The following IGF1R variants were observed in gnomAD, a reference collection of about 807,000 sequenced individuals.
IGF1R encodes the protein insulin-like growth factor 1 receptor.
IGF1R carries 44 observed loss-of-function variants against 144.6 expected under a neutral mutation model. The ratio of observed to expected loss-of-function variants is 0.30; its 90% confidence interval spans 0.24 to 0.39. The LOEUF (loss-of-function observed/expected upper bound fraction) is 0.39. Ranked by LOEUF, IGF1R falls within the 10% of genes least tolerant of loss-of-function variation. The pLI is 1.00. For synonymous variants in IGF1R, 795 were observed against 722.8 expected (o/e 1.10, Z -1.60); for missense variants, 1,355 against 1,833.7 (o/e 0.74, Z 4.77).
intron 2 of IGF1R, among the ~76,000 whole-genome samples, chr15:98,757,230 C>T (rs2055177702): frequency 6.6e-6 from 1 of 152,000 alleles, no homozygotes; most frequent in Non-Finnish European, 1.5e-5. Flanking sequence ...GTGGCGTGAT[C>T]TTGGCTCACT....
Position 98,929,652 on chromosome 15 carries a change from T to G in IGF1R, c.2877T>G (p.His959Gln). The part of the protein sequence containing the change: ...GGLVIMLYVF[H>Q]RKRNNSRLGN... ...TGGTGATTATGCTGTACGTCTTCCATAGAAAGAGGTCAGTGATGTGCAAAG... is the reference window on the plus strand; with the variant it reads ...TGGTGATTATGCTGTACGTCTTCCAGAGAAAGAGGTCAGTGATGTGCAAAG... Residue 959 changes from histidine to glutamine, a missense_variant, in exon 14 of 21, where the codon CAT (histidine) becomes CAG (glutamine). His to Gln is a conservative substitution (Grantham distance 24). Coordinates refer to ENST00000650285, the MANE Select transcript of IGF1R (RefSeq NM_000875.5). 6.2e-7 allele frequency: 1 copy of G among 1,609,376 alleles called. No homozygotes were observed. Among genetic ancestry groups the G allele is most frequent in the Middle Eastern group, 1.7e-4 (1 of 6,056 alleles).
At chr15:98,735,599 G>A (rs1041281885) in intron 2 of IGF1R, among the ~76,000 whole-genome samples, 5 of 152,244 alleles carry the variant, frequency 3.3e-5, no homozygotes, top group African/African-American at 1.2e-4. Flanking sequence ...CCTCAGTAAG[G>A]AAGAAGGAGG....
In IGF1R at chr15:98,963,172, CTTT is replaced by C. The variant is rs112539877; in HGVS notation, c.*5737_*5739del. ...AATTGCCGAAAATAATTTAAAGACA[CTTT>C]TTTTTTCTCTGTGTGTGCAAATGTG... On this transcript the variant is annotated 3_prime_UTR_variant, in exon 21 of 21. Coordinates refer to ENST00000650285, the MANE Select transcript of IGF1R (RefSeq NM_000875.5). 28 of 222,566 alleles carry C rather than the reference CTTT, an allele frequency of 1.3e-4. No individual in the cohort carries two copies. The highest frequency in any genetic ancestry group is 3.0e-4 in the African/African-American group (13 of 43,204). 13.8% of individuals were successfully genotyped at this position (222,566 alleles called of 1,614,324 possible).
Position 98,962,904 on chromosome 15 carries a change from CTT to C in IGF1R, c.*5464_*5465del, listed in dbSNP as rs1035531781. 4.3e-6 allele frequency: 1 copy of C among 233,582 alleles called. No homozygotes were observed. The highest frequency in any genetic ancestry group is 2.2e-5 in the African/African-American group (1 of 45,326). 14.5% of individuals were successfully genotyped at this position (233,582 alleles called of 1,614,324 possible). A position where few individuals can be genotyped will look rare whatever the true frequency, so the allele number is the denominator to read the frequency against. On this transcript the variant is annotated 3_prime_UTR_variant, in exon 21 of 21. Transcript: ENST00000650285. ...GTCAGTTGTCAGTTCTGGGGCATGA[CTT>C]TAGCGTTTTGTTTCTGCGAGAACAT...
intron 2 of IGF1R, among the ~76,000 whole-genome samples, chr15:98,883,925 A>C (rs1035083055): frequency 1.3e-5 from 2 of 152,156 alleles, no homozygotes; most frequent in African/African-American, 4.8e-5. Flanking sequence ...CCCTTTGTTG[A>C]AAACTCTTTG....
rs369946595 is a variant in IGF1R at position 98,935,443 on chromosome 15, A to T, written c.3297+17A>T. 5 of 1,384,404 alleles carry T rather than the reference A, an allele frequency of 3.6e-6. No homozygotes were observed. The highest frequency in any genetic ancestry group is 5.0e-6 in the Non-Finnish European group (5 of 994,144). 85.8% of individuals were successfully genotyped at this position (1,384,404 alleles called of 1,614,324 possible). On this transcript the variant is annotated intron_variant, in intron 17 of 20. Coordinates refer to ENST00000650285, the MANE Select transcript of IGF1R (RefSeq NM_000875.5). This position sits in a 1 kb window ranked among gnomAD's most constrained non-coding sequence, Gnocchi z 4.2. ...GAAATGGAGGTCAGTTTTCATTTCC[A>T]CCGGTATTGCATGTTGCCTGGCCTG...
Position 98,836,010 on chromosome 15 carries a change from T to G in IGF1R, c.641-55315T>G, listed in dbSNP as rs1358988468. On this transcript the variant is annotated intron_variant, in intron 2 of 20. Transcript: ENST00000650285. ...TTTCCCCAATGTCAGCATGACTTCT[T>G]CATTCATGTTCTTCCATCACTCTCC... is the stretch of plus-strand genomic sequence containing the variant. Among the ~76,000 whole-genome samples, 3 of 152,196 alleles carry G rather than the reference T, an allele frequency of 2.0e-5. No homozygotes were observed. In the East Asian group the frequency reaches 5.8e-4, roughly 29 times the overall value.
At chr15:98,927,034 TG>T (rs1188148073) in intron 13 of IGF1R, among the ~76,000 whole-genome samples, 1 of 152,166 alleles carries the variant, frequency 6.6e-6, no homozygotes, top group African/African-American at 2.4e-5. Flanking sequence ...ACAGCAACCT[TG>T]GCTTCTGGGG....
chr15:98,809,556 C>G (rs567806247), intron 2 of IGF1R, among the ~76,000 whole-genome samples: 1 of 152,296 alleles, frequency 6.6e-6, no homozygotes, highest in South Asian at 2.1e-4. Flanking sequence ...ATTTTTCCCT[C>G]CATGTTTTTA....
chr15:98,648,990 C>T lies in IGF1R; in HGVS notation c.-592C>T, dbSNP rs1257128673. ...GGATTTGGGAAGGAGCTCGCCGCGGCGGCGGCGGCGCTGAGGGAGGAGGCG... is the reference window on the plus strand; with the variant it reads ...GGATTTGGGAAGGAGCTCGCCGCGGTGGCGGCGGCGCTGAGGGAGGAGGCG... On this transcript the variant is annotated 5_prime_UTR_variant, in exon 1 of 21. Transcript: ENST00000650285. 4.2e-5 allele frequency: 9 copies of T among 213,932 alleles called. No homozygotes were observed. The highest frequency in any genetic ancestry group is 1.2e-4 in the Admixed American group (2 of 16,818). The allele number at this position is 213,932 out of a possible 1,614,324, so 13.3% of individuals were successfully genotyped here. A position where few individuals can be genotyped will look rare whatever the true frequency, so the allele number is the denominator to read the frequency against.
At chr15:98,697,221 T>C (rs759410110) in intron 1 of IGF1R, among the ~76,000 whole-genome samples, 14 of 152,160 alleles carry the variant, frequency 9.2e-5, no homozygotes, top group South Asian at 2.1e-4. Flanking sequence ...TGCCAAACAC[T>C]CAAAGTTAGA....
At chr15:98,876,541 A>G (rs973763002) in intron 2 of IGF1R, among the ~76,000 whole-genome samples, 1 of 152,196 alleles carries the variant, frequency 6.6e-6, no homozygotes, top group African/African-American at 2.4e-5. Flanking sequence ...TCTACCACCC[A>G]CAAAAATAAA....
intron 2 of IGF1R, among the ~76,000 whole-genome samples, chr15:98,791,914 GA>G (rs1481230400): frequency 2.0e-5 from 3 of 152,200 alleles, no homozygotes; most frequent in African/African-American, 7.2e-5. Flanking sequence ...GAAGTTGGCA[GA>G]GGAGCAATCT....
At chr15:98,709,478 T>TG (rs1275487666) in intron 2 of IGF1R, among the ~76,000 whole-genome samples, 1 of 152,238 alleles carries the variant, frequency 6.6e-6, no homozygotes, top group African/African-American at 2.4e-5. Context: ...TGGCTGGAGT[T>TG]GGAGGGAGAT....
intron 2 of IGF1R, among the ~76,000 whole-genome samples, chr15:98,783,122 A>T (rs2055896637): frequency 6.6e-6 from 1 of 152,150 alleles, no homozygotes; most frequent in Non-Finnish European, 1.5e-5. Flanking sequence ...TGCCCCCATT[A>T]AAAAAATTAT....
At chr15:98,781,160 A>G (rs1020736565) in intron 2 of IGF1R, among the ~76,000 whole-genome samples, 1 of 152,136 alleles carries the variant, frequency 6.6e-6, no homozygotes, top group East Asian at 1.9e-4. Context: ...GCGAAATGCC[A>G]TTTTCTCTAG....
chr15:98,962,992 T>C lies in IGF1R; in HGVS notation c.*5550T>C, dbSNP rs934805999. 14 of 233,606 alleles carry C rather than the reference T, an allele frequency of 6.0e-5. No homozygotes were observed. The highest frequency in any genetic ancestry group is 2.6e-4 in the African/African-American group (12 of 45,352). 14.5% of individuals were successfully genotyped at this position (233,606 alleles called of 1,614,324 possible). A position where few individuals can be genotyped will look rare whatever the true frequency, so the allele number is the denominator to read the frequency against. ...TCCGCATCTTTCTGGTCAACATTGT[T>C]TTAACTAGTCACTCATTAGCGTTTT... On this transcript the variant is annotated 3_prime_UTR_variant, in exon 21 of 21. Transcript: ENST00000650285.
intron 2 of IGF1R, among the ~76,000 whole-genome samples, chr15:98,718,710 G>C (rs1287553319): frequency 6.6e-6 from 1 of 152,250 alleles, no homozygotes; most frequent in Non-Finnish European, 1.5e-5. Context: ...GAGACCAGGA[G>C]TTGGGCTTAG....
rs548555288 is a variant in IGF1R at position 98,670,083 on chromosome 15, CG to C, written c.94+20412del. ...GACAAATTTGGAGTGTTTGGATGTT[CG>C]GGGACCTGCAGGAGGTATGTGAGGT... On this transcript the variant is annotated intron_variant, in intron 1 of 20. Coordinates refer to ENST00000650285, the MANE Select transcript of IGF1R (RefSeq NM_000875.5). Among the ~76,000 whole-genome samples, 35 of 152,192 alleles carry C rather than the reference CG, an allele frequency of 2.3e-4. No individual in the cohort carries two copies. The South Asian group carries it at 4.4e-3, about 19-fold the overall frequency.
Sources: gnomAD v4.1 joint callset for allele counts (sites outside exome capture counted in the v4.1 genomes callset) on GRCh38, gnomAD v4.1.1 for gene constraint, Gnocchi (gnomAD v3.1) non-coding constraint, MANE v1.5 for transcripts, NCBI Gene and HGNC (gene_info 2026-07-23, HGNC 2026-07-21) for gene names.